The following AGBL4 variants were observed in gnomAD, a reference collection of about 807,000 sequenced individuals.
The protein encoded by AGBL4 is cytosolic carboxypeptidase 6.
A neutral mutation model predicts 66.4 loss-of-function variants in AGBL4; 58 were observed. That is an observed-to-expected ratio of 0.87 (90% CI 0.71 to 1.09). AGBL4 has a LOEUF of 1.09. Among genes scored for constraint, AGBL4 ranks in the 50% least tolerant of loss-of-function variants. AGBL4 has a pLI of 0.00. For missense variants in AGBL4, 579 were observed against 631.0 expected, an observed-to-expected ratio of 0.92 and a Z score of 0.88; for synonymous variants, 234 against 222.9, an observed-to-expected ratio of 1.05 and a Z score of -0.44.
At chr1:49,231,600 T>C (rs1410116123) in intron 4 of AGBL4, among the ~76,000 whole-genome samples, 1 of 152,170 alleles carries the variant, frequency 6.6e-6, no homozygotes, top group Non-Finnish European at 1.5e-5. Context: ...CTGAATCTGA[T>C]GCAAAAGAGG....
intron 4 of AGBL4, among the ~76,000 whole-genome samples, chr1:49,158,878 A>G (rs1646486251): frequency 6.7e-6 from 1 of 149,994 alleles, no homozygotes; most frequent in South Asian, 2.2e-4. Flanking sequence ...TCAGACTAGG[A>G]TTGCAACTCC....
At chr1:49,357,308 G>A (rs1339682746) in intron 3 of AGBL4, among the ~76,000 whole-genome samples, 1 of 152,060 alleles carries the variant, frequency 6.6e-6, no homozygotes, top group African/African-American at 2.4e-5. Context: ...GCTATTGAGG[G>A]TAGCTTATCA....
At chr1:49,845,474 T>C (rs945838906) in intron 2 of AGBL4, 4 of 1,563,454 alleles carry the variant, frequency 2.6e-6, no homozygotes, top group Non-Finnish European at 3.5e-6. Flanking sequence ...CACCTGCGAA[T>C]CCACACTGGG....
At chr1:49,268,867 T>C (rs1570286816) in intron 3 of AGBL4, among the ~76,000 whole-genome samples, 2 of 152,340 alleles carry the variant, frequency 1.3e-5, no homozygotes, top group Admixed American at 1.3e-4. Context: ...TGTTCAGAAC[T>C]ATTCTGCTTA....
At chr1:49,268,984 G>A (rs1643993016) in intron 3 of AGBL4, 1 of 152,122 alleles carries the variant, frequency 6.6e-6, no homozygotes, top group African/African-American at 2.4e-5. Context: ...AATAAAACCT[G>A]GTAAAACGAT....
intron 6 of AGBL4, among the ~76,000 whole-genome samples, chr1:48,748,225 C>A (rs1651071730): frequency 2.6e-5 from 4 of 152,172 alleles, no homozygotes; most frequent in Admixed American, 2.6e-4. Context: ...GTAGGAGGAT[C>A]CCCCTCTGTG....
At chr1:48,940,157 A>C (rs1406316276) in intron 5 of AGBL4, among the ~76,000 whole-genome samples, 1 of 152,232 alleles carries the variant, frequency 6.6e-6, no homozygotes, top group Non-Finnish European at 1.5e-5. Flanking sequence ...GGGTGGGCAG[A>C]TCACGAGGTC....
At position 49,703,520 on chromosome 1, in the gene AGBL4, A is replaced by G. The variant is rs567587605; in HGVS notation, c.158-6083T>C. Among the ~76,000 whole-genome samples the G allele has an allele frequency of 7.2e-5, 11 of 151,806 alleles. 1 individual carries two copies. Among genetic ancestry groups the G allele is most frequent in the African/African-American group, 2.7e-4 (11 of 41,492 alleles). On this transcript the variant is annotated intron_variant, in intron 2 of 13. Coordinates refer to ENST00000371839, the MANE Select transcript of AGBL4 (RefSeq NM_032785.4). Reference sequence around the variant, plus strand: ...CATTTGACAAATTCCACACGCATTCATGATTAAAAAAAAAAAACACTTCCA... The same window carrying G: ...CATTTGACAAATTCCACACGCATTCGTGATTAAAAAAAAAAAACACTTCCA...
intron 1 of AGBL4, among the ~76,000 whole-genome samples, chr1:49,989,688 T>C (rs2148400583): frequency 6.6e-6 from 1 of 152,320 alleles, no homozygotes; most frequent in African/African-American, 2.4e-5. Context: ...TTTGACTGAT[T>C]TAAAAAGATT....
At chr1:49,164,740 G>A (rs1266248248) in intron 4 of AGBL4, among the ~76,000 whole-genome samples, 1 of 152,142 alleles carries the variant, frequency 6.6e-6, no homozygotes, top group Non-Finnish European at 1.5e-5. Context: ...AATTATGTTT[G>A]TTTGCTTCAG....
chr1:49,935,277 G>T (rs1384339833), intron 1 of AGBL4, among the ~76,000 whole-genome samples: 2 of 152,244 alleles, frequency 1.3e-5, no homozygotes, highest in African/African-American at 2.4e-5. Flanking sequence ...AGCAAGGCTG[G>T]GGGAGGGGCG....
At chr1:49,665,652 C>T (rs1460566651) in intron 3 of AGBL4, among the ~76,000 whole-genome samples, 1 of 152,010 alleles carries the variant, frequency 6.6e-6, no homozygotes, top group African/African-American at 2.4e-5. Context: ...AAAAAAAGTT[C>T]TCAATTAACC....
chr1:49,509,692 T>C (rs537088188), intron 3 of AGBL4, among the ~76,000 whole-genome samples: 3 of 152,144 alleles, frequency 2.0e-5, no homozygotes, highest in East Asian at 3.9e-4. Context: ...TTAGAATTCA[T>C]AGCTAAACTG....
rs1055199361 is a variant in AGBL4, at chr1:49,846,517, A to T, written c.157+4879T>A. The T allele has an allele frequency of 4.5e-5, 32 of 714,430 alleles. No individual in the cohort carries two copies. The East Asian group carries it at 8.9e-4, about 20-fold the overall frequency. 44.3% of individuals were successfully genotyped at this position (714,430 alleles called of 1,614,324 possible). A position where few individuals can be genotyped will look rare whatever the true frequency, so the allele number is the denominator to read the frequency against. ...ATGTCTTTATCAACAGGGTGGAAAC[A>T]GACTAATACAAAAGTGAAGAGACAA... is the stretch of plus-strand genomic sequence containing the variant. On this transcript the variant is annotated intron_variant, in intron 2 of 13. Transcript: ENST00000371839.
intron 5 of AGBL4, among the ~76,000 whole-genome samples, chr1:48,900,886 T>G (rs1322240584): frequency 6.6e-6 from 1 of 152,084 alleles, no homozygotes; most frequent in Admixed American, 6.5e-5. Flanking sequence ...TGATCAAAAT[T>G]TCAAAACTTC....
intron 3 of AGBL4, among the ~76,000 whole-genome samples, chr1:49,697,030 T>A (rs1186221910): frequency 6.6e-6 from 1 of 152,152 alleles, no homozygotes; most frequent in African/African-American, 2.4e-5. Context: ...AGTGTTTCCT[T>A]ATAGTGTCCC....
At chr1:49,533,234 A>G (rs1651285425) in intron 3 of AGBL4, among the ~76,000 whole-genome samples, 2 of 152,052 alleles carry the variant, frequency 1.3e-5, no homozygotes, top group Admixed American at 1.3e-4. Context: ...TGTTTCTGCT[A>G]TTCTTTAATC....
intron 1 of AGBL4, among the ~76,000 whole-genome samples, chr1:49,918,375 T>C (rs887817796): frequency 2.6e-5 from 4 of 152,006 alleles, no homozygotes; most frequent in African/African-American, 7.2e-5. Flanking sequence ...AAGAATCAAA[T>C]AGACGCAACA....
chr1:49,766,451 A>G (rs917502990), intron 2 of AGBL4, among the ~76,000 whole-genome samples: 1 of 152,174 alleles, frequency 6.6e-6, no homozygotes, highest in African/African-American at 2.4e-5. Flanking sequence ...CTAAACCTGG[A>G]AAGAAAACAT....
Sources: gnomAD v4.1 joint callset for allele counts (sites outside exome capture counted in the v4.1 genomes callset) on GRCh38, gnomAD v4.1.1 for gene constraint, MANE v1.5 for transcripts, NCBI Gene and HGNC (gene_info 2026-07-23, HGNC 2026-07-21) for gene names.